Variants in ERO1A observed in about 807,000 individuals in gnomAD.
ERO1A encodes endoplasmic reticulum oxidoreductase 1 alpha, also known as ERO1-like protein alpha.
ERO1A carries 49 observed loss-of-function variants against 76.9 expected under a neutral mutation model. That is an observed-to-expected ratio of 0.64 (90% confidence interval 0.51 to 0.81). The LOEUF (loss-of-function observed/expected upper bound fraction) is 0.81. ERO1A is among the 30% of genes least tolerant of loss of function. ERO1A has a pLI of 0.00. For synonymous variants in ERO1A, 174 were observed against 181.2 expected (o/e 0.96, Z 0.32); for missense variants, 448 against 542.1 (o/e 0.83, Z 1.72).
intron 7 of ERO1A, among the ~76,000 whole-genome samples, chr14:52,664,747 A>T (rs1594825811): frequency 8.3e-6 from 1 of 120,348 alleles, no homozygotes. Flanking sequence ...GCTGGAGTGC[A>T]GTGGTGCAAT....
At chr14:52,677,864 T>TAAAAAAAAA (rs71267893) in intron 4 of ERO1A, among the ~76,000 whole-genome samples, 1 of 87,140 alleles carries the variant, frequency 1.1e-5, no homozygotes, top group Non-Finnish European at 2.1e-5. Context: ...CCTTTTATCT[T>TAAAAAAAAA]AAAAAAAAAA....
intron 6 of ERO1A, among the ~76,000 whole-genome samples, chr14:52,668,810 G>C (rs988091818): frequency 5.4e-5 from 8 of 147,820 alleles, no homozygotes; most frequent in South Asian, 2.1e-4. Flanking sequence ...AATTATATTT[G>C]AAGTAATACT....
At chr14:52,662,883 T>G (rs1247436066) in intron 8 of ERO1A, among the ~76,000 whole-genome samples, 1 of 152,108 alleles carries the variant, frequency 6.6e-6, no homozygotes, top group African/African-American at 2.4e-5. Flanking sequence ...TATGGCAGAG[T>G]ACTAGGGTAG....
chr14:52,684,480 G>C (rs149541607), intron 1 of ERO1A, among the ~76,000 whole-genome samples: 2 of 152,124 alleles, frequency 1.3e-5, no homozygotes, highest in African/African-American at 4.8e-5. Flanking sequence ...TATGCTACTT[G>C]GGTATCTGAG....
At chr14:52,692,074 G>A (rs1278152230) in intron 1 of ERO1A, among the ~76,000 whole-genome samples, 3 of 152,160 alleles carry the variant, frequency 2.0e-5, no homozygotes, top group Admixed American at 2.0e-4. Flanking sequence ...ATCAGTTCCA[G>A]AAAACATGCA....
At chr14:52,658,222 G>A in intron 9 of ERO1A, 72 bp from the exon 10 acceptor site, 1 of 1,057,940 alleles carries the variant, frequency 9.5e-7, no homozygotes, top group Non-Finnish European at 1.4e-6. Context: ...AAGTTTTAAA[G>A]CATTATAGCA....
At chr14:52,668,692 A>G (rs937092789) in intron 6 of ERO1A, among the ~76,000 whole-genome samples, 1 of 150,692 alleles carries the variant, frequency 6.6e-6, no homozygotes, top group African/African-American at 2.4e-5. Context: ...TCATAATTCT[A>G]CTTATTATAA....
chr14:52,675,033 G>A lies in ERO1A; in HGVS notation c.358-3162C>T, dbSNP rs77379558. On this transcript the variant is annotated intron_variant, in intron 4 of 15. Coordinates refer to ENST00000395686, the MANE Select transcript of ERO1A (RefSeq NM_014584.3). The stretch of plus-strand genomic sequence containing the variant: ...CATCCGAAAAATAAGATGTTCTAAT[G>A]GATGGCTACAAGGATGGACAGATGA... Among the ~76,000 whole-genome samples the A allele has an allele frequency of 2.8e-4, 42 of 152,270 alleles. No homozygotes were observed. The East Asian group carries it at 7.3e-3, about 27-fold the overall frequency.
At chr14:52,672,301 G>C (rs193117165) in intron 4 of ERO1A, 8 of 152,308 alleles carry the variant, frequency 5.3e-5, no homozygotes, top group African/African-American at 1.7e-4. Flanking sequence ...GTAAGACTCC[G>C]TCTCAAAAAA....
At position 52,643,518 on chromosome 14, in the gene ERO1A, C is replaced by G. The variant is rs2039542595; in HGVS notation, c.*52G>C. 1 of 1,216,414 alleles carries G rather than the reference C, an allele frequency of 8.2e-7. No individual in the cohort carries two copies. Among genetic ancestry groups the G allele is most frequent in the African/African-American group, 1.6e-5 (1 of 61,890 alleles). 75.4% of individuals were successfully genotyped at this position (1,216,414 alleles called of 1,614,324 possible). On this transcript the variant is annotated 3_prime_UTR_variant, in exon 16 of 16. Transcript: ENST00000395686. ...TGCTATTATGCCTTTGAATGAAATT[C>G]CACTCTTTCGCCTCCATTGTCCAGA...
intron 7 of ERO1A, among the ~76,000 whole-genome samples, chr14:52,664,466 G>C (rs568070854): frequency 3.3e-5 from 5 of 152,206 alleles, no homozygotes; most frequent in African/African-American, 1.2e-4. Flanking sequence ...TATAGGGATT[G>C]TTTTAACATC....
intron 1 of ERO1A, among the ~76,000 whole-genome samples, chr14:52,693,347 T>A (rs2041422798): frequency 6.6e-6 from 1 of 152,244 alleles, no homozygotes; most frequent in Middle Eastern, 3.4e-3. Flanking sequence ...CCAGCCTACA[T>A]CTTTCTCCCA....
chr14:52,673,058 T>A (rs1296844235), intron 4 of ERO1A, among the ~76,000 whole-genome samples: 1 of 152,134 alleles, frequency 6.6e-6, no homozygotes, highest in Non-Finnish European at 1.5e-5. Flanking sequence ...AGGTATAAAT[T>A]TAAAGGCCTT....
Position 52,682,329 on chromosome 14 carries a change from T to C in ERO1A, c.314A>G (p.Gln105Arg). 1.2e-6 allele frequency: 2 copies of C among 1,602,906 alleles called. No individual in the cohort carries two copies. Among genetic ancestry groups the C allele is most frequent in the Non-Finnish European group, 1.7e-6 (2 of 1,172,358 alleles). The change falls in exon 3 of 16, where the codon CAA becomes CGA. Residue 105 changes from glutamine to arginine, a missense_variant. Coordinates refer to ENST00000395686, the MANE Select transcript of ERO1A (RefSeq NM_014584.3). ...AAATGTATACATGGTTCTTACAGAT[T>C]GACATGGTTTGACAGCACAGTCCCT... ...GRRDCAVKPC[Q>R]SDEVPDGIKS... is the part of the protein sequence containing the mutation.
intron 4 of ERO1A, among the ~76,000 whole-genome samples, chr14:52,675,955 G>A (rs1215306779): frequency 1.3e-5 from 2 of 152,180 alleles, no homozygotes; most frequent in South Asian, 2.1e-4. Context: ...AAAGTGCTGG[G>A]ATTGTAAGCA....
intron 1 of ERO1A, among the ~76,000 whole-genome samples, chr14:52,690,460 G>T (rs2041317542): frequency 6.6e-6 from 1 of 152,182 alleles, no homozygotes; most frequent in East Asian, 1.9e-4. Context: ...ATGGGCAAGG[G>T]CCGGGCACAG....
At chr14:52,652,903 G>A (rs1209316674) in intron 12 of ERO1A, among the ~76,000 whole-genome samples, 166 bp downstream of exon 12, 2 of 152,042 alleles carry the variant, frequency 1.3e-5, no homozygotes, top group East Asian at 3.9e-4. Context: ...GCTGAGATGG[G>A]AGGACTGCTT....
chr14:52,657,873 T>C, intron 11 of ERO1A, 44 bp downstream of exon 11: 1 of 1,373,948 alleles, frequency 7.3e-7, no homozygotes, highest in East Asian at 2.3e-5. Context: ...TAAGAATATC[T>C]AAAATTAAGA....
At chr14:52,681,465 T>C (rs2040991557) in intron 3 of ERO1A, among the ~76,000 whole-genome samples, 1 of 151,966 alleles carries the variant, frequency 6.6e-6, no homozygotes, top group Non-Finnish European at 1.5e-5. Context: ...TAGCTGGGCG[T>C]GGTGGCACAC....
Sources: gnomAD v4.1 joint callset for allele counts (sites outside exome capture counted in the v4.1 genomes callset) on GRCh38, gnomAD v4.1.1 for gene constraint, MANE v1.5 for transcripts, NCBI Gene and HGNC (gene_info 2026-07-23, HGNC 2026-07-21) for gene names.